ZC3H7A: variants seen among roughly 807,000 people sequenced by gnomAD.
ZC3H7A encodes zinc finger CCCH domain-containing protein 7A.
Under a neutral mutation model 125.5 loss-of-function variants are expected in ZC3H7A, and 44 were observed. The observed-to-expected ratio is 0.35, with a 90% CI of 0.28 to 0.45. The LOEUF (loss-of-function observed/expected upper bound fraction) is 0.45, where lower values mean the gene tolerates loss of function less well. ZC3H7A is among the 20% of genes least tolerant of loss of function. ZC3H7A has a pLI of 1.00. For synonymous variants in ZC3H7A, 399 were observed against 391.2 expected, an observed-to-expected ratio of 1.02 and a Z score of -0.23; for missense variants, 977 against 1,170.7, an observed-to-expected ratio of 0.83 and a Z score of 2.41.
intron 2 of ZC3H7A, among the ~76,000 whole-genome samples, chr16:11,781,680 C>T (rs1227727485): frequency 1.4e-5 from 2 of 147,884 alleles, no homozygotes; most frequent in Admixed American, 1.4e-4. Flanking sequence ...ATATACTATT[C>T]CTTAGTATTT....
rs148718526 is a variant in ZC3H7A, at chr16:11,787,918, C to T, written c.-34-5530G>A. Among the ~76,000 whole-genome samples the T allele has an allele frequency of 4.0e-5, 6 of 151,784 alleles. No individual in the cohort carries two copies. The East Asian group carries it at 1.2e-3, about 29-fold the overall frequency. On this transcript the variant is annotated intron_variant, in intron 1 of 22. Transcript: ENST00000355758. ...CCAAGATCGCGTCATTGCACTCCAG[C>T]CTGGGGGACAAGAGCAAGACTTCGT...
intron 1 of ZC3H7A, 40 bp downstream of exon 1, chr16:11,797,084 C>A: frequency 7.3e-6 from 1 of 137,926 alleles, no homozygotes; most frequent in Admixed American, 7.0e-5. Context: ...CGCGGGCGCG[C>A]GCGTTTCCTT....
At chr16:11,779,439 C>T in intron 3 of ZC3H7A, 76 bp from the exon 4 acceptor site, 1 of 1,308,382 alleles carries the variant, frequency 7.6e-7, no homozygotes. Context: ...ATTTTTATAC[C>T]TAAAACTTCA....
intron 22 of ZC3H7A, among the ~76,000 whole-genome samples, chr16:11,752,207 G>A (rs9921244): frequency 0.022 from 3,342 of 152,196 alleles, 125 homozygotes; most frequent in African/African-American, 0.077. Flanking sequence ...GCCCGGCTGC[G>A]TTGAAAAATT....
chr16:11,758,777 A>G, intron 19 of ZC3H7A: 1 of 434,522 alleles, frequency 2.3e-6, no homozygotes, highest in South Asian at 2.6e-5. Flanking sequence ...TAAAGCATGG[A>G]ACATTTTCTT....
intron 1 of ZC3H7A, among the ~76,000 whole-genome samples, chr16:11,795,704 T>G (rs754402245): frequency 6.6e-6 from 1 of 152,184 alleles, no homozygotes; most frequent in Non-Finnish European, 1.5e-5. Flanking sequence ...CCCAAAGTGC[T>G]GGGATTACAG....
intron 16 of ZC3H7A, 82 bp from the exon 17 acceptor site, chr16:11,762,829 AC>A (rs2052774990): frequency 7.6e-7 from 1 of 1,321,246 alleles, no homozygotes; most frequent in African/African-American, 1.5e-5. Context: ...GACGTGGAGA[AC>A]CTTCAGCTTC....
chr16:11,761,379 A>G, intron 19 of ZC3H7A, 27 bp downstream of exon 19: 1 of 1,604,664 alleles, frequency 6.2e-7, no homozygotes, highest in Non-Finnish European at 8.5e-7. Flanking sequence ...TAATTTAAAA[A>G]AAGTGGCTTA....
At chr16:11,785,407 G>A (rs970302106) in intron 1 of ZC3H7A, among the ~76,000 whole-genome samples, 1 of 151,930 alleles carries the variant, frequency 6.6e-6, no homozygotes, top group African/African-American at 2.4e-5. Context: ...TCAGATGATG[G>A]AGGCAGGAGG....
At position 11,765,718 on chromosome 16, in the gene ZC3H7A, A is replaced by C; in HGVS notation, c.1523-33T>G. Reference sequence around the variant, plus strand: ...GACAGGGAATGGACAGACATTGAAAACATGGCAATTGGCCTGTACTCCCAG... The same window carrying C: ...GACAGGGAATGGACAGACATTGAAACCATGGCAATTGGCCTGTACTCCCAG... On this transcript the variant is annotated intron_variant, in intron 13 of 22. Coordinates refer to ENST00000355758, the MANE Select transcript of ZC3H7A (RefSeq NM_014153.4). The surrounding 1 kb of genome is among the most constrained non-coding windows in gnomAD (Gnocchi z 4.8). The C allele has an allele frequency of 6.3e-7, 1 of 1,593,806 alleles. No homozygotes were observed. Among genetic ancestry groups the C allele is most frequent in the South Asian group, 1.1e-5 (1 of 88,404 alleles).
chr16:11,774,326 T>C lies in ZC3H7A; in HGVS notation c.813A>G (p.Pro271=), dbSNP rs1311249096. 2 of 1,614,102 alleles carry C rather than the reference T, an allele frequency of 1.2e-6. No individual in the cohort carries two copies. Among genetic ancestry groups the C allele is most frequent in the South Asian group, 1.1e-5 (1 of 91,058 alleles). ...ANGGKMPFTM[P]EAFLDDGDMV... ...TATCTCCATCATCTAGAAAAGCTTC[T>C]GGCATAGTGAAGGGCATCTTTCCTC... Residue 271 remains proline (P), a synonymous_variant, in exon 9 of 23, where the codon CCA becomes CCG. Transcript: ENST00000355758.
chr16:11,769,527 G>C (rs2052932476), intron 10 of ZC3H7A, among the ~76,000 whole-genome samples: 1 of 151,370 alleles, frequency 6.6e-6, no homozygotes, highest in Non-Finnish European at 1.5e-5. Context: ...GGCCAACATG[G>C]TGAAACCCTG....
chr16:11,762,943 G>T (rs1399068478), intron 16 of ZC3H7A, 196 bp from the exon 17 acceptor site: 4 of 499,374 alleles, frequency 8.0e-6, no homozygotes, highest in African/African-American at 5.9e-5. Flanking sequence ...GCCTTCTGAG[G>T]AATCTTTCCT....
intron 19 of ZC3H7A, chr16:11,758,953 C>G (rs1172729698): frequency 5.7e-6 from 1 of 175,414 alleles, no homozygotes; most frequent in East Asian, 1.8e-4. Flanking sequence ...CCAAAGGGTA[C>G]TGAACAGTGC....
At chr16:11,757,483 CAAAAAAAAAAAAA>C (rs61471026) in intron 20 of ZC3H7A, among the ~76,000 whole-genome samples, 3 of 40,980 alleles carry the variant, frequency 7.3e-5, no homozygotes, top group East Asian at 6.6e-4. Flanking sequence ...GACTCTGTCT[CAAAAAAAAAAAAA>C]AAAAAAAAAA....
chr16:11,762,674 C>T lies in ZC3H7A; in HGVS notation c.2076G>A (p.Ala692=), dbSNP rs571101988. The T allele has an allele frequency of 3.9e-5, 63 of 1,613,652 alleles. 1 individual carries two copies. In the East Asian group the frequency reaches 4.7e-4, roughly 12 times the overall value. The change falls in exon 17 of 23, where the codon GCG becomes GCA. Residue 692 remains alanine (A), a synonymous_variant. Coordinates refer to ENST00000355758, the MANE Select transcript of ZC3H7A (RefSeq NM_014153.4). ...WQNLEANVPG[A]QVLGNQIMPG... is the part of the protein sequence containing the mutation. ...AAAGTACACAAGAGAAAAATACCTGCGCTCCAGGTACATTTGCTTCCAAAT... is the reference window on the plus strand; with the variant it reads ...AAAGTACACAAGAGAAAAATACCTGTGCTCCAGGTACATTTGCTTCCAAAT...
intron 1 of ZC3H7A, among the ~76,000 whole-genome samples, chr16:11,794,255 T>C (rs888773216): frequency 6.6e-6 from 1 of 152,236 alleles, no homozygotes; most frequent in Non-Finnish European, 1.5e-5. Flanking sequence ...GCCAGATTAA[T>C]GTCCTGCTCC....
At chr16:11,783,492 G>T (rs1313514243) in intron 1 of ZC3H7A, among the ~76,000 whole-genome samples, 2 of 152,112 alleles carry the variant, frequency 1.3e-5, no homozygotes, top group Non-Finnish European at 1.5e-5. Context: ...TCTTGTGATT[G>T]CAGGACATTG....
At position 11,797,160 on chromosome 16, in the gene ZC3H7A, G is replaced by GGCGGAGGCGGGCGGCGGCAGGCGGGCA. The variant is rs2053455875; in HGVS notation, c.-98_-72dup. On this transcript the variant is annotated 5_prime_UTR_variant, in exon 1 of 23. Transcript: ENST00000355758. ...ACGCGCCGGCCGGCGGCAGAAGGCAGGCGGAGGCGGGCGGCGGCAGGCGGG... is the reference window on the plus strand; with the variant it reads ...ACGCGCCGGCCGGCGGCAGAAGGCAGGCGGAGGCGGGCGGCGGCAGGCGGGCAGCGGAGGCGGGCGGCGGCAGGCGGG... 1 of 154,074 alleles carries GGCGGAGGCGGGCGGCGGCAGGCGGGCA rather than the reference G, an allele frequency of 6.5e-6. No homozygotes were observed. Among genetic ancestry groups the GGCGGAGGCGGGCGGCGGCAGGCGGGCA allele is most frequent in the African/African-American group, 2.4e-5 (1 of 40,964 alleles). The allele number at this position is 154,074 out of a possible 1,614,324, so 9.5% of individuals were successfully genotyped here. A position where few individuals can be genotyped will look rare whatever the true frequency, so the allele number is the denominator to read the frequency against.
Sources: allele counts gnomAD v4.1 joint callset (sites outside exome capture counted in the v4.1 genomes callset), GRCh38; gene constraint gnomAD v4.1.1; non-coding constraint Gnocchi (gnomAD v3.1); transcripts MANE v1.5; gene names NCBI Gene and HGNC (gene_info 2026-07-23, HGNC 2026-07-21).